The following MUC7 variants were observed in gnomAD, a reference collection of about 807,000 sequenced individuals.
MUC7 encodes mucin-7.
MUC7 carries 2 observed loss-of-function variants against 2.5 expected under a neutral mutation model. That is an observed-to-expected ratio of 0.81 (90% CI 0.33 to 2.55). MUC7 has a LOEUF of 2.55. Among genes scored for constraint, MUC7 ranks in the 30% most tolerant of loss-of-function variants. The pLI, the probability that MUC7 is intolerant of heterozygous loss-of-function variation, is 0.11. For missense variants in MUC7, 408 were observed against 455.6 expected (o/e 0.90, Z 0.95); for synonymous variants, 133 against 173.4 (o/e 0.77, Z 1.83).
At chr4:70,442,522 CT>C (rs989277642) in intron 1 of MUC7, among the ~76,000 whole-genome samples, 1 of 152,148 alleles carries the variant, frequency 6.6e-6, no homozygotes, top group African/African-American at 2.4e-5. Flanking sequence ...CCCCTCCAGC[CT>C]AGGGGTACAT....
At chr4:70,439,887 A>T (rs1733958825) in intron 1 of MUC7, among the ~76,000 whole-genome samples, 1 of 152,094 alleles carries the variant, frequency 6.6e-6, no homozygotes, top group Non-Finnish European at 1.5e-5. Flanking sequence ...GAAATTTTTG[A>T]AAAGTTTTAA....
rs749622355 is a variant in MUC7 at position 70,481,731 on chromosome 4, C to G, written c.987C>G (p.Pro329=). ...ACACTTCTGAAACTTCAGCTGCACCCACACACCAGACTACTACTTCGGTCA... is the reference window on the plus strand; with the variant it reads ...ACACTTCTGAAACTTCAGCTGCACCGACACACCAGACTACTACTTCGGTCA... The part of the protein sequence containing the change: ...APDTSETSAA[P]THQTTTSVTT... The change falls in exon 3 of 3, where the codon CCC becomes CCG. Residue 329 remains proline (P), a synonymous_variant. Transcript: ENST00000304887. The G allele has an allele frequency of 3.1e-6, 5 of 1,614,222 alleles. No homozygotes were observed. The highest frequency in any genetic ancestry group is 1.3e-5 in the African/African-American group (1 of 75,040).
At position 70,437,043 on chromosome 4, in the gene MUC7, A is replaced by T. The variant is rs184396142; in HGVS notation, c.-93+6356A>T. Among the ~76,000 whole-genome samples, 698 of 152,264 alleles carry T rather than the reference A, an allele frequency of 4.6e-3. 17 individuals carry two copies. The highest frequency in any genetic ancestry group is 0.04 in the Admixed American group (617 of 15,276). ...CACCAGCAGAGGCTGCAGAACAGCA[A>T]ATATTGCTACCTGATCCTTCCTCTG... On this transcript the variant is annotated intron_variant, in intron 1 of 3. Transcript: ENST00000413702.
intron 2 of MUC7, 96 bp from the exon 3 acceptor site, chr4:70,480,703 A>G (rs1178565290): frequency 2.3e-6 from 3 of 1,283,486 alleles, no homozygotes; most frequent in African/African-American, 1.5e-5. Flanking sequence ...TAATCCCAGC[A>G]TTCCACAAAT....
intron 1 of MUC7, among the ~76,000 whole-genome samples, chr4:70,466,891 A>T (rs150488152): frequency 0.013 from 1,966 of 152,248 alleles, 45 homozygotes; most frequent in African/African-American, 0.045. Flanking sequence ...CTTGAACTCA[A>T]CTCTGGACCA....
In MUC7 at chr4:70,474,085, C is replaced by T. The variant is rs966263379; in HGVS notation, c.54+10C>T. 2.5e-6 allele frequency: 4 copies of T among 1,610,946 alleles called. No homozygotes were observed. Among genetic ancestry groups the T allele is most frequent in the Non-Finnish European group, 3.4e-6 (4 of 1,177,946 alleles). On this transcript the variant is annotated intron_variant, in intron 2 of 2. Transcript: ENST00000304887. ...GAGTGCTTGCTTCTCGGTAAGTATT[C>T]ACCCAAATAAGTTTTTTCCTTAACT...
intron 1 of MUC7, among the ~76,000 whole-genome samples, chr4:70,464,768 C>G (rs1039219942): frequency 1.3e-5 from 2 of 152,198 alleles, no homozygotes; most frequent in African/African-American, 2.4e-5. Context: ...ATAGATACAA[C>G]TCCCCACTCC....
intron 1 of MUC7, among the ~76,000 whole-genome samples, chr4:70,443,441 T>C (rs1250630883): frequency 1.3e-5 from 2 of 152,068 alleles, no homozygotes; most frequent in Non-Finnish European, 2.9e-5. Context: ...TATCAAATAT[T>C]ATCCACACAA....
chr4:70,469,340 G>A (rs773415676), upstream of MUC7, among the ~76,000 whole-genome samples: 19 of 152,204 alleles, frequency 1.2e-4, no homozygotes, highest in Non-Finnish European at 2.8e-4. Flanking sequence ...TCAGGACACA[G>A]GCATGGGCAA....
rs753730647 is a variant in MUC7, at chr4:70,474,108, A to C, written c.54+33A>C. 25 of 1,579,098 alleles carry C rather than the reference A, an allele frequency of 1.6e-5. No individual in the cohort carries two copies. The African/African-American group carries it at 2.4e-4, about 15-fold the overall frequency. ...TTCACCCAAATAAGTTTTTTCCTTA[A>C]CTATCAATAACAAACATTTAGTGTA... On this transcript the variant is annotated intron_variant, in intron 2 of 2. Coordinates refer to ENST00000304887, the MANE Select transcript of MUC7 (RefSeq NM_152291.3).
rs1291683148 is a variant in MUC7, at chr4:70,482,457, A to G, written c.*579A>G. The G allele has an allele frequency of 6.5e-6, 1 of 152,764 alleles. No individual in the cohort carries two copies. Among genetic ancestry groups the G allele is most frequent in the African/African-American group, 2.4e-5 (1 of 41,464 alleles). The allele number at this position is 152,764 out of a possible 1,614,324, so 9.5% of individuals were successfully genotyped here. ...CACAAATATGAGCCAAGAAAGAGGA[A>G]AGTTGATTTGAAGTGAGGATTAGAA... On this transcript the variant is annotated 3_prime_UTR_variant, in exon 3 of 3. Transcript: ENST00000304887.
chr4:70,470,475 AT>A (rs1734809287), upstream of MUC7, among the ~76,000 whole-genome samples: 1 of 152,218 alleles, frequency 6.6e-6, no homozygotes, highest in African/African-American at 2.4e-5. Flanking sequence ...AATGTACTGG[AT>A]TCAGTCATAA....
chr4:70,458,493 A>G (rs550843823), intron 1 of MUC7, among the ~76,000 whole-genome samples: 2 of 152,258 alleles, frequency 1.3e-5, no homozygotes, highest in Admixed American at 6.5e-5. Context: ...TGTGCATTGT[A>G]TAATTTCTGA....
At chr4:70,432,278 G>C (rs1733689842) in intron 1 of MUC7, among the ~76,000 whole-genome samples, 1 of 152,180 alleles carries the variant, frequency 6.6e-6, no homozygotes, top group African/African-American at 2.4e-5. Context: ...TGGGATGGCT[G>C]GGTCAAATGG....
chr4:70,474,695 A>G (rs567221722), intron 2 of MUC7, among the ~76,000 whole-genome samples: 1 of 152,226 alleles, frequency 6.6e-6, no homozygotes, highest in Non-Finnish European at 1.5e-5. Context: ...CCAGGTTTGT[A>G]AGGCCTTTAG....
chr4:70,468,869 C>A (rs1015149488), upstream of MUC7, among the ~76,000 whole-genome samples: 4 of 152,144 alleles, frequency 2.6e-5, no homozygotes, highest in African/African-American at 9.7e-5. Flanking sequence ...CCCCACCAAG[C>A]TACCATTGAC....
At chr4:70,433,033 T>C (rs1733723239) in intron 1 of MUC7, among the ~76,000 whole-genome samples, 2 of 152,202 alleles carry the variant, frequency 1.3e-5, no homozygotes, top group Admixed American at 6.5e-5. Flanking sequence ...CAAGATCAGA[T>C]GGTTGTAGAT....
chr4:70,455,153 A>G (rs1734381854), intron 1 of MUC7, among the ~76,000 whole-genome samples: 1 of 152,062 alleles, frequency 6.6e-6, no homozygotes, highest in South Asian at 2.1e-4. Context: ...CTATGAAAAC[A>G]CTAATTCTTG....
At chr4:70,440,606 C>T (rs1196695971) in intron 1 of MUC7, among the ~76,000 whole-genome samples, 1 of 152,018 alleles carries the variant, frequency 6.6e-6, no homozygotes, top group Non-Finnish European at 1.5e-5. Flanking sequence ...TTGAATGTTT[C>T]TAGCATAAAG....
Sources: gnomAD v4.1 joint callset for allele counts (sites outside exome capture counted in the v4.1 genomes callset) on GRCh38, gnomAD v4.1.1 for gene constraint, MANE v1.5 for transcripts, NCBI Gene and HGNC (gene_info 2026-07-23, HGNC 2026-07-21) for gene names.